Variants in PARL observed in about 807,000 individuals in gnomAD.
The protein encoded by PARL is presenilin associated rhomboid like.
A neutral mutation model predicts 51.6 loss-of-function variants in PARL; 44 were observed. That is an observed-to-expected ratio of 0.85 (90% CI 0.67 to 1.10). The LOEUF (loss-of-function observed/expected upper bound fraction) is 1.10. PARL is among the 50% of genes least tolerant of loss of function. The pLI is 0.00. For synonymous variants in PARL, 172 were observed against 164.0 expected, an observed-to-expected ratio of 1.05 and a Z score of -0.37; for missense variants, 441 against 469.5, an observed-to-expected ratio of 0.94 and a Z score of 0.56.
intron 1 of PARL, among the ~76,000 whole-genome samples, chr3:183,875,497 G>A (rs1733705298): frequency 6.8e-6 from 1 of 147,696 alleles, no homozygotes; most frequent in African/African-American, 2.5e-5. Context: ...ATGAATAGAA[G>A]ATCAAATCAG....
In PARL at chr3:183,842,391, T is replaced by G. The variant is rs767573397; in HGVS notation, c.664A>C (p.Met222Leu). Residue 222 changes from methionine to leucine, a missense_variant, in exon 6 of 10, where the codon ATG becomes CTG. Physicochemically the swap from Met to Leu is conservative, Grantham distance 15. Transcript: ENST00000317096. ...CACAAAACATACATATTTGCTGCCA[T>G]GTGAAATAAGGAGAAATGACTGAAT... ...STFSHFSLFH[M>L]AANMYVLWSF... 2.5e-6 allele frequency: 4 copies of G among 1,613,382 alleles called. No individual in the cohort carries two copies. Among genetic ancestry groups the G allele is most frequent in the Non-Finnish European group, 2.5e-6 (3 of 1,179,352 alleles).
intron 1 of PARL, among the ~76,000 whole-genome samples, chr3:183,882,674 G>C (rs140587208): frequency 1.9e-3 from 294 of 152,138 alleles, no homozygotes; most frequent in African/African-American, 6.4e-3. Context: ...AGATATTTCG[G>C]TCTTTGTGGA....
In PARL at chr3:183,857,615, G is replaced by A. The variant is rs80200173; in HGVS notation, c.511+5138C>T. On this transcript the variant is annotated intron_variant, in intron 4 of 9. Coordinates refer to ENST00000317096, the MANE Select transcript of PARL (RefSeq NM_018622.7). ...AACATGCAATGGTTATTATGGGAAA[G>A]GAAAAGTGCAGAACTGGAAGTTCAG... Among the ~76,000 whole-genome samples, 44 of 152,290 alleles carry A rather than the reference G, an allele frequency of 2.9e-4. 1 individual carries two copies. The East Asian group carries it at 8.5e-3, about 29-fold the overall frequency.
Position 183,829,469 on chromosome 3 carries a change from C to T in PARL, c.*129G>A. Reference sequence around the variant, plus strand: ...AAAAGACACGGACTGGGGGACACAGCTGAAAACAGTGGGAGGCCAGATGCT... The same window carrying T: ...AAAAGACACGGACTGGGGGACACAGTTGAAAACAGTGGGAGGCCAGATGCT... On this transcript the variant is annotated 3_prime_UTR_variant, in exon 10 of 10. Transcript: ENST00000317096. 1 of 1,607,628 alleles carries T rather than the reference C, an allele frequency of 6.2e-7. No individual in the cohort carries two copies.
intron 1 of PARL, among the ~76,000 whole-genome samples, chr3:183,884,282 A>G (rs1734866650): frequency 6.6e-6 from 1 of 152,250 alleles, no homozygotes; most frequent in Admixed American, 6.5e-5. Context: ...ACCTTCCATC[A>G]GACTTCGTCC....
intron 2 of PARL, 149 bp from the exon 3 acceptor site, chr3:183,866,914 C>CT (rs59742348): frequency 9.6e-3 from 5,443 of 569,120 alleles, no homozygotes; most frequent in East Asian, 0.025. Flanking sequence ...GTGAAAAGGG[C>CT]TTTTTTTTTT....
intron 4 of PARL, among the ~76,000 whole-genome samples, chr3:183,845,460 C>T (rs1013694503): frequency 6.6e-5 from 10 of 152,124 alleles, no homozygotes; most frequent in African/African-American, 2.4e-4. Context: ...CTCCGTAGTA[C>T]ATTAAATAAA....
intron 4 of PARL, among the ~76,000 whole-genome samples, chr3:183,845,453 CGTA>C (rs1729837772): frequency 6.6e-6 from 1 of 151,984 alleles, no homozygotes; most frequent in Non-Finnish European, 1.5e-5. Flanking sequence ...TTTCTTTCTC[CGTA>C]GTACATTAAA....
chr3:183,884,686 C>G, intron 1 of PARL, 36 bp downstream of exon 1: 1 of 1,574,760 alleles, frequency 6.4e-7, no homozygotes, highest in South Asian at 1.2e-5. Context: ...GCTCAGGGAC[C>G]AAGAGGCGAG....
chr3:183,833,729 C>T lies in PARL; in HGVS notation c.925G>A (p.Gly309Arg), dbSNP rs1179563654. The T allele has an allele frequency of 1.2e-6, 2 of 1,601,708 alleles. No homozygotes were observed. Among genetic ancestry groups the T allele is most frequent in the African/African-American group, 1.3e-5 (1 of 74,822 alleles). ...IFLPMFTFTA[G>R]NALKAIIAMD... Reference sequence around the variant, plus strand: ...CACTTCATAAAAATACTTACATTCCCTGCTGTGAACGTGAACATCGGAAGG... The same window carrying T: ...CACTTCATAAAAATACTTACATTCCTTGCTGTGAACGTGAACATCGGAAGG... The change falls in exon 8 of 10, where the codon GGG becomes AGG. Residue 309 changes from glycine (G) to arginine (R), a missense_variant. By Grantham distance (125) the Gly-to-Arg change is moderately radical. Transcript: ENST00000317096.
intron 6 of PARL, 143 bp from the exon 7 acceptor site, chr3:183,840,783 A>T: frequency 5.1e-6 from 3 of 583,450 alleles, no homozygotes. Context: ...ATTTTGGCTC[A>T]CTGCAACCTG....
chr3:183,855,870 G>A (rs1046175874), intron 4 of PARL, among the ~76,000 whole-genome samples: 1 of 150,586 alleles, frequency 6.6e-6, no homozygotes, highest in Non-Finnish European at 1.5e-5. Context: ...TAAGGCAGGA[G>A]AATCACCTGA....
chr3:183,865,570 T>C (rs1161053315), intron 3 of PARL, among the ~76,000 whole-genome samples: 1 of 152,086 alleles, frequency 6.6e-6, no homozygotes, highest in Admixed American at 6.5e-5. Flanking sequence ...GAGATGCACA[T>C]GTGAGGGATC....
Position 183,833,748 on chromosome 3 carries a change from C to A in PARL, c.906G>T (p.Pro302=). The change falls in exon 8 of 10, where the codon CCG becomes CCT. Residue 302 remains proline (P), a synonymous_variant. Transcript: ENST00000317096. The part of the protein sequence containing the change: ...PEGRLAIIFL[P]MFTFTAGNAL... Reference sequence around the variant, plus strand: ...CATTCCCTGCTGTGAACGTGAACATCGGAAGGAAAATAATGGCAAGCCTCC... The same window carrying A: ...CATTCCCTGCTGTGAACGTGAACATAGGAAGGAAAATAATGGCAAGCCTCC... The A allele has an allele frequency of 6.2e-7, 1 of 1,611,340 alleles. No individual in the cohort carries two copies. The highest frequency in any genetic ancestry group is 8.5e-7 in the Non-Finnish European group (1 of 1,177,460).
intron 7 of PARL, among the ~76,000 whole-genome samples, chr3:183,834,189 C>T (rs781149666): frequency 6.6e-6 from 1 of 152,172 alleles, no homozygotes; most frequent in Non-Finnish European, 1.5e-5. Context: ...TGAATACGCC[C>T]AAAGAAACCT....
At chr3:183,836,547 A>C (rs1728616802) in intron 7 of PARL, among the ~76,000 whole-genome samples, 1 of 152,168 alleles carries the variant, frequency 6.6e-6, no homozygotes, top group Non-Finnish European at 1.5e-5. Flanking sequence ...AATTTAATGA[A>C]AATGAACCCT....
chr3:183,879,225 T>C (rs1274851233), intron 1 of PARL, among the ~76,000 whole-genome samples: 4 of 152,234 alleles, frequency 2.6e-5, no homozygotes, highest in Non-Finnish European at 2.9e-5. Flanking sequence ...AAGCCCACGA[T>C]TGGCTTAAGC....
intron 3 of PARL, among the ~76,000 whole-genome samples, chr3:183,864,138 CAAAT>C (rs1464945752): frequency 6.6e-6 from 1 of 152,184 alleles, no homozygotes; most frequent in Non-Finnish European, 1.5e-5. Context: ...TTTTCACCTG[CAAAT>C]ATTATCCACT....
chr3:183,882,396 C>CAT (rs55713392), intron 1 of PARL, among the ~76,000 whole-genome samples: 2 of 146,628 alleles, frequency 1.4e-5, no homozygotes, highest in Non-Finnish European at 3.0e-5. Flanking sequence ...TATATATGCA[C>CAT]ATATACACAC....
Sources: allele counts gnomAD v4.1 joint callset (sites outside exome capture counted in the v4.1 genomes callset), GRCh38; gene constraint gnomAD v4.1.1; transcripts MANE v1.5; gene names NCBI Gene and HGNC (gene_info 2026-07-23, HGNC 2026-07-21).